Variants in ADGRV1 observed in about 807,000 individuals in gnomAD.
ADGRV1 encodes the protein G-protein coupled receptor 98.
In ADGRV1, 359 loss-of-function variants were observed where a neutral mutation model predicts 596.2. The observed-to-expected ratio is 0.60, with a 90% CI of 0.55 to 0.66. The LOEUF (loss-of-function observed/expected upper bound fraction) is 0.66, where lower values mean the gene tolerates loss of function less well. Among genes scored for constraint, ADGRV1 ranks in the 30% least tolerant of loss-of-function variants. The pLI, the probability that ADGRV1 is intolerant of heterozygous loss-of-function variation, is 0.00. For missense variants in ADGRV1, 7,274 were observed against 7,575.6 expected, an observed-to-expected ratio of 0.96 and a Z score of 1.48; for synonymous variants, 2,681 against 2,679.2, an observed-to-expected ratio of 1.00 and a Z score of -0.02.
chr5:90,927,813 T>G (rs1386147288), intron 83 of ADGRV1, among the ~76,000 whole-genome samples: 1 of 152,198 alleles, frequency 6.6e-6, no homozygotes, highest in Non-Finnish European at 1.5e-5. Context: ...AGGAGCTCTT[T>G]TAGGGCAGGC....
Position 90,834,982 on chromosome 5 carries a change from C to CTTCT in ADGRV1, c.16612-5586_16612-5583dup, listed in dbSNP as rs543374863. Among the ~76,000 whole-genome samples the CTTCT allele has an allele frequency of 1.3e-3, 164 of 122,092 alleles. No individual in the cohort carries two copies. The Middle Eastern group carries it at 0.016, about 12-fold the overall frequency. The allele number at this position is 122,092 out of a possible 152,430, so 80.1% of individuals were successfully genotyped here. On this transcript the variant is annotated intron_variant, in intron 77 of 89. Coordinates refer to ENST00000405460, the MANE Select transcript of ADGRV1 (RefSeq NM_032119.4). ...CTTCCTTCCTTACTTCCTTTCTTTC[C>CTTCT]TTCTTTCTTTCTTATTCTTCCAATC...
chr5:90,756,663 C>G, intron 56 of ADGRV1, 33 bp downstream of exon 56: 1 of 1,556,890 alleles, frequency 6.4e-7, no homozygotes, highest in African/African-American at 1.4e-5. Context: ...TACAGTCATA[C>G]AGAGGCCTCT....
intron 85 of ADGRV1, among the ~76,000 whole-genome samples, chr5:91,025,632 C>T (rs1409083158): frequency 1.3e-5 from 2 of 152,124 alleles, no homozygotes; most frequent in African/African-American, 2.4e-5. Flanking sequence ...GTAGAGTACC[C>T]GTCTCCCCAC....
intron 83 of ADGRV1, among the ~76,000 whole-genome samples, chr5:90,906,901 T>C (rs1371498699): frequency 2.0e-5 from 3 of 152,170 alleles, no homozygotes; most frequent in Admixed American, 6.6e-5. Flanking sequence ...CGGACATGAA[T>C]AACTTGAGTA....
intron 34 of ADGRV1, among the ~76,000 whole-genome samples, chr5:90,699,068 G>T (rs1747568715): frequency 6.6e-6 from 1 of 152,174 alleles, no homozygotes; most frequent in African/African-American, 2.4e-5. Context: ...GTGGCTTTCA[G>T]GAGGCTGCCT....
At chr5:91,134,503 T>C (rs909775129) in intron 87 of ADGRV1, among the ~76,000 whole-genome samples, 2 of 152,212 alleles carry the variant, frequency 1.3e-5, no homozygotes, top group Non-Finnish European at 2.9e-5. Flanking sequence ...TGCCTACTGC[T>C]TCTTTGTGCT....
At chr5:90,678,551 A>G (rs1413066310) in intron 25 of ADGRV1, among the ~76,000 whole-genome samples, 1 of 149,532 alleles carries the variant, frequency 6.7e-6, no homozygotes, top group Non-Finnish European at 1.5e-5. Context: ...TATAAGCAAT[A>G]GAAGTTTATG....
chr5:90,760,188 A>G (rs2150000903), intron 58 of ADGRV1, among the ~76,000 whole-genome samples: 1 of 146,550 alleles, frequency 6.8e-6, no homozygotes, highest in South Asian at 2.2e-4. Flanking sequence ...AGGCAGGAGA[A>G]TCACTTGAAC....
chr5:90,741,134 T>A (rs944952836), intron 50 of ADGRV1, among the ~76,000 whole-genome samples: 1 of 152,152 alleles, frequency 6.6e-6, no homozygotes, highest in African/African-American at 2.4e-5. Flanking sequence ...GTTTCCATGT[T>A]TTCTACTCCT....
intron 85 of ADGRV1, among the ~76,000 whole-genome samples, chr5:91,028,743 T>TG (rs1192394544): frequency 6.8e-6 from 1 of 146,828 alleles, no homozygotes; most frequent in African/African-American, 2.5e-5. Flanking sequence ...TTTTTTTTTT[T>TG]TTTTTTTTTT....
intron 74 of ADGRV1, among the ~76,000 whole-genome samples, chr5:90,812,603 G>A (rs183478651): frequency 6.6e-6 from 1 of 152,018 alleles, no homozygotes; most frequent in Non-Finnish European, 1.5e-5. Context: ...CCTAGAGTTC[G>A]TATTTTATTT....
intron 49 of ADGRV1, among the ~76,000 whole-genome samples, chr5:90,729,357 A>G (rs1393012989): frequency 6.6e-6 from 1 of 152,164 alleles, no homozygotes; most frequent in Non-Finnish European, 1.5e-5. Flanking sequence ...TGCTGAGTAG[A>G]ACTTTCATGG....
intron 1 of ADGRV1, among the ~76,000 whole-genome samples, chr5:90,569,354 G>GATATATATATATATATATAT (rs1185532852): frequency 7.8e-5 from 1 of 12,790 alleles, no homozygotes; most frequent in Non-Finnish European, 1.4e-4. Flanking sequence ...CTGTTTGCAT[G>GATATATATATATATATATAT]ATATATATAT....
At chr5:91,072,386 C>A in intron 85 of ADGRV1, 61 bp from the exon 86 acceptor site, 1 of 1,364,686 alleles carries the variant, frequency 7.3e-7, no homozygotes, top group Non-Finnish European at 1.0e-6. Context: ...GTGATACATT[C>A]TGCATTTAGA....
chr5:90,772,193 T>G (rs1757765359), intron 59 of ADGRV1, among the ~76,000 whole-genome samples: 1 of 152,166 alleles, frequency 6.6e-6, no homozygotes, highest in African/African-American at 2.4e-5. Flanking sequence ...ATTTCCCTAC[T>G]CACTAAGGTG....
At chr5:90,731,422 G>T (rs1287184187) in intron 50 of ADGRV1, among the ~76,000 whole-genome samples, 2 of 152,166 alleles carry the variant, frequency 1.3e-5, no homozygotes, top group East Asian at 3.8e-4. Flanking sequence ...TGAGATTTGG[G>T]TTGGGACACA....
intron 83 of ADGRV1, among the ~76,000 whole-genome samples, chr5:90,903,170 G>A (rs1304116048): frequency 1.3e-5 from 2 of 152,006 alleles, no homozygotes; most frequent in Non-Finnish European, 1.5e-5. Flanking sequence ...AAATCCTATT[G>A]GATCATAAGA....
chr5:90,790,671 A>T (rs1227785639), intron 69 of ADGRV1, among the ~76,000 whole-genome samples: 1 of 152,170 alleles, frequency 6.6e-6, no homozygotes, highest in Non-Finnish European at 1.5e-5. Flanking sequence ...GAGATTTTGT[A>T]ATCTTATCCT....
chr5:90,841,756 A>G (rs1407740487), intron 78 of ADGRV1, among the ~76,000 whole-genome samples: 2 of 152,234 alleles, frequency 1.3e-5, no homozygotes, highest in African/African-American at 4.8e-5. Context: ...TATAATTACT[A>G]CATCTCTTAC....
Sources: gnomAD v4.1 joint callset for allele counts (sites outside exome capture counted in the v4.1 genomes callset) on GRCh38, gnomAD v4.1.1 for gene constraint, MANE v1.5 for transcripts, NCBI Gene and HGNC (gene_info 2026-07-23, HGNC 2026-07-21) for gene names.